Variants in ITPKB observed in about 807,000 individuals in gnomAD.
ITPKB encodes the protein IP3 3-kinase B.
A neutral mutation model predicts 69.4 loss-of-function variants in ITPKB; 13 were observed. The ratio of observed to expected loss-of-function variants is 0.19; its 90% CI spans 0.12 to 0.30. The LOEUF (loss-of-function observed/expected upper bound fraction) is 0.30. Among genes scored for constraint, ITPKB ranks in the 10% least tolerant of loss-of-function variants. ITPKB has a pLI of 1.00. For missense variants in ITPKB, 1,240 were observed against 1,250.5 expected (o/e 0.99, Z 0.13); for synonymous variants, 584 against 513.7 (o/e 1.14, Z -1.85).
At position 226,670,175 on chromosome 1, in the gene ITPKB, CAAAA is replaced by C. The variant is rs35767912; in HGVS notation, c.1933-21408_1933-21405del. On this transcript the variant is annotated intron_variant, in intron 2 of 7. Coordinates refer to ENST00000429204, the MANE Select transcript of ITPKB (RefSeq NM_002221.4). ...AGGCGTGAGCCACCAAGCTCCGCCGCAAAAAAAAAAAAAAAAAAAAAAAAAAAAA... is the reference window on the plus strand; with the variant it reads ...AGGCGTGAGCCACCAAGCTCCGCCGCAAAAAAAAAAAAAAAAAAAAAAAAA... Among the ~76,000 whole-genome samples the C allele has an allele frequency of 7.5e-4, 24 of 31,998 alleles. 1 individual carries two copies. Among genetic ancestry groups the C allele is most frequent in the South Asian group, 5.6e-3 (4 of 720 alleles). The allele number at this position is 31,998 out of a possible 152,430, so 21.0% of individuals were successfully genotyped here.
chr1:226,725,613 A>G (rs1359524657), intron 2 of ITPKB, among the ~76,000 whole-genome samples: 4 of 152,178 alleles, frequency 2.6e-5, no homozygotes, highest in Non-Finnish European at 4.4e-5. Context: ...TCTCCCTATC[A>G]TGATTCAGCA....
chr1:226,673,689 A>G (rs145056182), intron 2 of ITPKB, among the ~76,000 whole-genome samples: 151 of 151,816 alleles, frequency 9.9e-4, no homozygotes, highest in African/African-American at 3.6e-3. Flanking sequence ...CTATAGATTG[A>G]TATGTACATA....
chr1:226,678,997 C>T (rs945181154), intron 2 of ITPKB, among the ~76,000 whole-genome samples: 2 of 152,182 alleles, frequency 1.3e-5, no homozygotes, highest in African/African-American at 2.4e-5. Flanking sequence ...GGCAGGCCTG[C>T]GGGGAAGCAC....
chr1:226,732,219 A>T (rs1657610026), intron 2 of ITPKB, among the ~76,000 whole-genome samples: 1 of 151,278 alleles, frequency 6.6e-6, no homozygotes, highest in Non-Finnish European at 1.5e-5. Flanking sequence ...ACAGGTAATT[A>T]GGCCAGTGTT....
intron 2 of ITPKB, among the ~76,000 whole-genome samples, chr1:226,669,675 G>A (rs972243196): frequency 1.3e-5 from 2 of 152,060 alleles, no homozygotes; most frequent in African/African-American, 4.8e-5. Context: ...CAAATAAACT[G>A]CAGAAAATAT....
chr1:226,676,232 CAG>C (rs1553254685), intron 2 of ITPKB: 1 of 152,180 alleles, frequency 6.6e-6, no homozygotes, highest in African/African-American at 2.4e-5. Context: ...GGTGCAAAAA[CAG>C]GGTTGGTTTG....
At chr1:226,689,698 A>G (rs1010548719) in intron 2 of ITPKB, among the ~76,000 whole-genome samples, 70 of 151,792 alleles carry the variant, frequency 4.6e-4, no homozygotes, top group Non-Finnish European at 1.3e-4. Context: ...GGTTTGTTTT[A>G]CAGATTATTT....
At chr1:226,708,913 T>A (rs1441156795) in intron 2 of ITPKB, among the ~76,000 whole-genome samples, 29 of 152,248 alleles carry the variant, frequency 1.9e-4, no homozygotes, top group Non-Finnish European at 4.4e-5. Context: ...TAGGCCAGTA[T>A]TCTGCCAGGC....
Position 226,737,573 on chromosome 1 carries a change from C to G in ITPKB, c.-115G>C. ...CGGAGGCCCGGCAGCCGCGGCTCCG[C>G]GCGCAGATGGGGCGGCATGGCCTGG... On this transcript the variant is annotated 5_prime_UTR_variant, in exon 2 of 8. Transcript: ENST00000429204. The G allele has an allele frequency of 8.3e-7, 1 of 1,209,050 alleles. No individual in the cohort carries two copies. The highest frequency in any genetic ancestry group is 1.0e-6 in the Non-Finnish European group (1 of 975,616). The allele number at this position is 1,209,050 out of a possible 1,614,324, so 74.9% of individuals were successfully genotyped here.
chr1:226,634,939 C>A lies in ITPKB; in HGVS notation c.2626-53G>T. ...AGCTGAAGCCCGGGCCTCGCCCTCC[C>A]CACTGCGGCCCGGGGCCTGGGTGAC... On this transcript the variant is annotated intron_variant, in intron 7 of 7. Transcript: ENST00000429204. The surrounding 1 kb of genome is among the most constrained non-coding windows in gnomAD (Gnocchi z 6.3). 1 of 1,432,444 alleles carries A rather than the reference C, an allele frequency of 7.0e-7. No homozygotes were observed. Among genetic ancestry groups the A allele is most frequent in the South Asian group, 1.3e-5 (1 of 78,792 alleles). 88.7% of individuals were successfully genotyped at this position (1,432,444 alleles called of 1,614,324 possible).
chr1:226,659,063 C>T (rs1047428346), intron 2 of ITPKB, among the ~76,000 whole-genome samples: 14 of 152,154 alleles, frequency 9.2e-5, no homozygotes, highest in Non-Finnish European at 1.9e-4. Context: ...TTTTGAGGGA[C>T]GCCACCATGG....
rs1302023305 is a variant in ITPKB, at chr1:226,632,280, T to C, written c.*2391A>G. 1 of 152,296 alleles carries C rather than the reference T, an allele frequency of 6.6e-6. No individual in the cohort carries two copies. The highest frequency in any genetic ancestry group is 2.4e-5 in the African/African-American group (1 of 41,430). 9.4% of individuals were successfully genotyped at this position (152,296 alleles called of 1,614,324 possible). A position where few individuals can be genotyped will look rare whatever the true frequency, so the allele number is the denominator to read the frequency against. On this transcript the variant is annotated 3_prime_UTR_variant, in exon 8 of 8. Transcript: ENST00000429204. ...CACCTGGGCACAGGTACACAGAGTT[T>C]GTCCTGCCTGCTGGCACATGCACTG...
chr1:226,733,648 T>C (rs1456380867), intron 2 of ITPKB, among the ~76,000 whole-genome samples: 1 of 152,136 alleles, frequency 6.6e-6, no homozygotes, highest in African/African-American at 2.4e-5. Flanking sequence ...AGGGGATTTT[T>C]CCCTGGCTCT....
intron 2 of ITPKB, among the ~76,000 whole-genome samples, chr1:226,678,934 C>T (rs1571855186): frequency 6.6e-6 from 1 of 152,220 alleles, no homozygotes; most frequent in Non-Finnish European, 1.5e-5. Context: ...TCTCAGGGAG[C>T]ACGCCTCTGC....
chr1:226,650,528 G>C (rs1043425248), intron 2 of ITPKB, among the ~76,000 whole-genome samples: 1 of 152,238 alleles, frequency 6.6e-6, no homozygotes, highest in Non-Finnish European at 1.5e-5. Flanking sequence ...GGCACACAAT[G>C]CATGAGGGCA....
chr1:226,717,161 G>A (rs941627296), intron 2 of ITPKB, among the ~76,000 whole-genome samples: 9 of 152,046 alleles, frequency 5.9e-5, no homozygotes, highest in African/African-American at 1.2e-4. Flanking sequence ...AAATCCTCCC[G>A]CAGGTACTCA....
chr1:226,642,618 G>A lies in ITPKB; in HGVS notation c.2247-493C>T, dbSNP rs552418840. ...AGGAACCAGCAGAAGAAGGAAGACG[G>A]AGGCAGGGCAGCAGGGGGTGTCGGG... is the stretch of plus-strand genomic sequence containing the variant. On this transcript the variant is annotated intron_variant, in intron 4 of 7. Coordinates refer to ENST00000429204, the MANE Select transcript of ITPKB (RefSeq NM_002221.4). This position sits in a 1 kb window ranked among gnomAD's most constrained non-coding sequence, Gnocchi z 6.4. Among the ~76,000 whole-genome samples the A allele has an allele frequency of 6.6e-6, 1 of 152,232 alleles. No homozygotes were observed. Among genetic ancestry groups the A allele is most frequent in the Non-Finnish European group, 1.5e-5 (1 of 68,024 alleles).
chr1:226,702,945 A>G (rs905414854), intron 2 of ITPKB, among the ~76,000 whole-genome samples: 4 of 152,098 alleles, frequency 2.6e-5, no homozygotes, highest in African/African-American at 9.7e-5. Context: ...ATCCACACTG[A>G]CCCTATCGAG....
Position 226,708,142 on chromosome 1 carries a change from G to A in ITPKB, c.1932+27385C>T, listed in dbSNP as rs554441020. On this transcript the variant is annotated intron_variant, in intron 2 of 7. Coordinates refer to ENST00000429204, the MANE Select transcript of ITPKB (RefSeq NM_002221.4). Reference sequence around the variant, plus strand: ...ACTAGTACAATCAGATTGCAATTATGTAAAACAAAATTAGGCAATTGATCA... The same window carrying A: ...ACTAGTACAATCAGATTGCAATTATATAAAACAAAATTAGGCAATTGATCA... Among the ~76,000 whole-genome samples, 28 of 152,250 alleles carry A rather than the reference G, an allele frequency of 1.8e-4. 1 individual carries two copies. In the South Asian group the frequency reaches 5.8e-3, roughly 32 times the overall value.
Sources: gnomAD v4.1 joint callset for allele counts (sites outside exome capture counted in the v4.1 genomes callset) on GRCh38, gnomAD v4.1.1 for gene constraint, Gnocchi (gnomAD v3.1) non-coding constraint, MANE v1.5 for transcripts, NCBI Gene and HGNC (gene_info 2026-07-23, HGNC 2026-07-21) for gene names.